Variants in KIF6 observed in about 807,000 individuals in gnomAD.
The protein encoded by KIF6 is kinesin-like protein KIF6.
A neutral mutation model predicts 112.7 loss-of-function variants in KIF6; 106 were observed. That is an observed-to-expected ratio of 0.94 (90% CI 0.80 to 1.11). The LOEUF (loss-of-function observed/expected upper bound fraction) is 1.11, where lower values mean the gene tolerates loss of function less well. Among genes scored for constraint, KIF6 ranks in the 50% least tolerant of loss-of-function variants. KIF6 has a pLI of 0.00. For missense variants in KIF6, 929 were observed against 964.0 expected, an observed-to-expected ratio of 0.96 and a Z score of 0.48; for synonymous variants, 339 against 339.9, an observed-to-expected ratio of 1.00 and a Z score of 0.03.
At chr6:39,667,365 A>G (rs548601411) in intron 3 of KIF6, among the ~76,000 whole-genome samples, 63 of 152,282 alleles carry the variant, frequency 4.1e-4, no homozygotes, top group Non-Finnish European at 7.2e-4. Context: ...AACAGAAGAA[A>G]AGTCTGTCCT....
At chr6:39,353,044 C>T (rs993790078) in intron 19 of KIF6, among the ~76,000 whole-genome samples, 4 of 151,906 alleles carry the variant, frequency 2.6e-5, no homozygotes, top group Admixed American at 2.6e-4. Context: ...TTTTTGTGGA[C>T]ATAAGTTTTC....
At chr6:39,557,409 G>C (rs1050554766) in intron 10 of KIF6, among the ~76,000 whole-genome samples, 4 of 152,090 alleles carry the variant, frequency 2.6e-5, no homozygotes, top group African/African-American at 9.7e-5. Flanking sequence ...GAAAACTTAA[G>C]TGTTTAAAAG....
At chr6:39,544,944 T>C (rs1237101678) in intron 11 of KIF6, among the ~76,000 whole-genome samples, 1 of 152,190 alleles carries the variant, frequency 6.6e-6, no homozygotes, top group Non-Finnish European at 1.5e-5. Context: ...AATTGGGAAA[T>C]GCCTACTCAA....
intron 15 of KIF6, among the ~76,000 whole-genome samples, chr6:39,411,807 G>A (rs1769493520): frequency 6.6e-6 from 1 of 152,188 alleles, no homozygotes; most frequent in Non-Finnish European, 1.5e-5. Context: ...GATTCCCTTT[G>A]TGCTTGGAGA....
intron 12 of KIF6, 112 bp from the exon 13 acceptor site, chr6:39,540,333 G>T (rs1000182003): frequency 6.9e-6 from 5 of 728,934 alleles, no homozygotes; most frequent in Non-Finnish European, 1.1e-5. Flanking sequence ...ATGTGGTAAA[G>T]ACTGAAGGAA....
chr6:39,589,183 C>T (rs1781799159), intron 7 of KIF6, among the ~76,000 whole-genome samples: 1 of 152,138 alleles, frequency 6.6e-6, no homozygotes, highest in Non-Finnish European at 1.5e-5. Flanking sequence ...TGCTCTTGCC[C>T]CAGATTTCCA....
intron 13 of KIF6, among the ~76,000 whole-genome samples, chr6:39,443,411 A>G (rs1185293463): frequency 6.6e-6 from 1 of 152,046 alleles, no homozygotes; most frequent in African/African-American, 2.4e-5. Context: ...TGGATTCACT[A>G]TAGACTCATT....
chr6:39,493,192 A>G (rs1775572673), intron 13 of KIF6, among the ~76,000 whole-genome samples: 1 of 152,236 alleles, frequency 6.6e-6, no homozygotes, highest in Admixed American at 6.5e-5. Context: ...TGACTCAGAA[A>G]CTATTCATGC....
At chr6:39,533,867 C>T (rs1778236854) in intron 13 of KIF6, among the ~76,000 whole-genome samples, 1 of 152,160 alleles carries the variant, frequency 6.6e-6, no homozygotes, top group South Asian at 2.1e-4. Flanking sequence ...GACAAAAATT[C>T]CAGAGGAACG....
intron 13 of KIF6, among the ~76,000 whole-genome samples, chr6:39,535,410 A>G (rs1778361527): frequency 6.6e-6 from 1 of 152,068 alleles, no homozygotes. Flanking sequence ...AGGGGTTGCA[A>G]TCCTAGTCTC....
chr6:39,407,266 A>G (rs1424602474), intron 15 of KIF6, among the ~76,000 whole-genome samples: 1 of 152,224 alleles, frequency 6.6e-6, no homozygotes, highest in Non-Finnish European at 1.5e-5. Context: ...ACATTGCTTC[A>G]TAAGCTTCAA....
rs9471114 is a variant in KIF6 at position 39,465,913 on chromosome 6, A to C, written c.1646-34752T>G. ...CTCTGTTTGATGAATTTACTTCAAT[A>C]GGCAGCTAAAATATTGCTGCCCCTG... On this transcript the variant is annotated intron_variant, in intron 13 of 22. Coordinates refer to ENST00000287152, the MANE Select transcript of KIF6 (RefSeq NM_145027.6). 8.9e-4 allele frequency among the ~76,000 whole-genome samples: 136 copies of C among 152,356 alleles called. 1 individual carries two copies. The highest frequency in any genetic ancestry group is 3.0e-3 in the African/African-American group (126 of 41,586).
At chr6:39,527,205 T>TGAA (rs1777786138) in intron 13 of KIF6, among the ~76,000 whole-genome samples, 1 of 152,180 alleles carries the variant, frequency 6.6e-6, no homozygotes, top group Non-Finnish European at 1.5e-5. Context: ...GTTCTCCTTC[T>TGAA]TGTGTCTATA....
At chr6:39,701,498 C>T (rs572474643) in intron 3 of KIF6, among the ~76,000 whole-genome samples, 1 of 152,368 alleles carries the variant, frequency 6.6e-6, no homozygotes, top group African/African-American at 2.4e-5. Context: ...TAACAACTTG[C>T]GTGTGCTGCT....
At chr6:39,713,694 T>C (rs1395368881) in intron 3 of KIF6, among the ~76,000 whole-genome samples, 1 of 152,234 alleles carries the variant, frequency 6.6e-6, no homozygotes, top group Non-Finnish European at 1.5e-5. Context: ...TCAAGGAGAC[T>C]TGAATTTCAT....
At chr6:39,611,835 G>A (rs1271651909) in intron 6 of KIF6, among the ~76,000 whole-genome samples, 4 of 151,998 alleles carry the variant, frequency 2.6e-5, no homozygotes, top group African/African-American at 4.8e-5. Context: ...CTTAATCTTC[G>A]ATTATTATGA....
rs779931438 is a variant in KIF6 at position 39,336,217 on chromosome 6, A to C, written c.*315T>G. On this transcript the variant is annotated 3_prime_UTR_variant, in exon 23 of 23. Coordinates refer to ENST00000287152, the MANE Select transcript of KIF6 (RefSeq NM_145027.6). ...TATTTCACATTCTCAAAAGCTTATA[A>C]AGATCTACACAAAACGTCACTACAA... 1.0e-4 allele frequency: 29 copies of C among 283,500 alleles called. No homozygotes were observed. The highest frequency in any genetic ancestry group is 1.5e-4 in the Non-Finnish European group (24 of 157,912). The allele number at this position is 283,500 out of a possible 1,614,324, so 17.6% of individuals were successfully genotyped here. A position where few individuals can be genotyped will look rare whatever the true frequency, so the allele number is the denominator to read the frequency against.
intron 13 of KIF6, among the ~76,000 whole-genome samples, chr6:39,539,134 G>A (rs901300089): frequency 1.3e-4 from 20 of 150,674 alleles, no homozygotes; most frequent in Non-Finnish European, 2.4e-4. Flanking sequence ...AAGTTAATGG[G>A]TGCAGCACAC....
At chr6:39,653,875 G>A (rs1478724360) in intron 3 of KIF6, among the ~76,000 whole-genome samples, 1 of 152,160 alleles carries the variant, frequency 6.6e-6, no homozygotes, top group East Asian at 1.9e-4. Flanking sequence ...GTCCTCTGAA[G>A]GCACAGGAAA....
Sources: allele counts gnomAD v4.1 joint callset (sites outside exome capture counted in the v4.1 genomes callset), GRCh38; gene constraint gnomAD v4.1.1; transcripts MANE v1.5; gene names NCBI Gene and HGNC (gene_info 2026-07-23, HGNC 2026-07-21).